Variants in ART1 observed in about 807,000 individuals in gnomAD.
ART1 encodes the protein GPI-linked NAD(P)(+)--arginine ADP-ribosyltransferase 1.
ART1 carries 29 observed loss-of-function variants against 27.0 expected under a neutral mutation model. The observed-to-expected ratio is 1.08, with a 90% CI of 0.80 to 1.47. The LOEUF (loss-of-function observed/expected upper bound fraction) is 1.47. ART1 is among the 40% of genes most tolerant of loss of function. The pLI is 0.00. For missense variants in ART1, 480 were observed against 423.0 expected (o/e 1.13, Z -1.18); for synonymous variants, 201 against 172.2 (o/e 1.17, Z -1.31).
chr11:3,657,979 T>C (rs113628419), intron 1 of ART1, among the ~76,000 whole-genome samples: 28 of 152,248 alleles, frequency 1.8e-4, no homozygotes, highest in African/African-American at 6.7e-4. Context: ...ATATTTTTTT[T>C]CTGAGGAAAA....
chr11:3,646,602 G>C (rs1216651028), intron 1 of ART1, among the ~76,000 whole-genome samples: 1 of 152,168 alleles, frequency 6.6e-6, no homozygotes, highest in African/African-American at 2.4e-5. Flanking sequence ...AAGGAGGAGT[G>C]CGGCTCCACC....
At position 3,659,797 on chromosome 11, in the gene ART1, G is replaced by A; in HGVS notation, c.278G>A (p.Trp93Ter). Reference sequence around the variant, plus strand: ...CAATGGCAGGAGCGTCAGGCCAGGTGGCCAGAGTGGAGTCTCAGCCCCACC... The same window carrying A: ...CAATGGCAGGAGCGTCAGGCCAGGTAGCCAGAGTGGAGTCTCAGCCCCACC... ...SSQWQERQAR[W>*]PEWSLSPTRP... The change falls in exon 3 of 5, where the codon TGG (tryptophan) becomes TAG (stop). Residue 93 changes from tryptophan (W) to a stop codon, truncating the protein, a stop_gained. Transcript: ENST00000250693. LOFTEE classifies it high-confidence loss of function. The A allele has an allele frequency of 6.2e-7, 1 of 1,612,962 alleles. No individual in the cohort carries two copies. The highest frequency in any genetic ancestry group is 2.2e-5 in the East Asian group (1 of 44,872).
chr11:3,653,534 G>C (rs939913483), intron 1 of ART1, among the ~76,000 whole-genome samples: 3 of 151,520 alleles, frequency 2.0e-5, no homozygotes, highest in Admixed American at 6.6e-5. Context: ...ATCTCCCTTC[G>C]CTGACTCTCT....
At chr11:3,656,355 CTTATTTATTTAT>C (rs759921970) in intron 1 of ART1, among the ~76,000 whole-genome samples, 1,470 of 140,188 alleles carry the variant, frequency 0.01, 14 homozygotes, top group African/African-American at 0.031. Context: ...TGTAGCCTGG[CTTATTTATTTAT>C]TTATTTATTT....
intron 1 of ART1, among the ~76,000 whole-genome samples, chr11:3,654,864 C>T (rs113778720): frequency 6.6e-6 from 1 of 152,244 alleles, no homozygotes; most frequent in Non-Finnish European, 1.5e-5. Context: ...AGTCTGCCTT[C>T]AAGCCTCTCC....
intron 1 of ART1, among the ~76,000 whole-genome samples, chr11:3,653,154 C>A (rs532294053): frequency 1.3e-5 from 2 of 148,486 alleles, no homozygotes; most frequent in African/African-American, 5.2e-5. Flanking sequence ...CACACCACCC[C>A]CAAAAATTTT....
At chr11:3,659,054 G>A (rs967463898) in intron 1 of ART1, 108 bp from the exon 2 acceptor site, 6 of 670,102 alleles carry the variant, frequency 9.0e-6, no homozygotes, top group African/African-American at 3.6e-5. Context: ...TCTCTTCTGA[G>A]CCTCCATGTC....
chr11:3,649,906 T>G (rs74920661), intron 1 of ART1, among the ~76,000 whole-genome samples: 8 of 152,000 alleles, frequency 5.3e-5, no homozygotes, highest in East Asian at 1.9e-4. Context: ...GACCCTAAAA[T>G]GTCAAAAGGC....
intron 1 of ART1, among the ~76,000 whole-genome samples, chr11:3,650,624 C>G (rs963242723): frequency 1.3e-5 from 2 of 152,168 alleles, no homozygotes; most frequent in Non-Finnish European, 2.9e-5. Flanking sequence ...AACTCCCCAA[C>G]TCTAGTGCCA....
chr11:3,647,306 G>C lies in ART1; in HGVS notation c.-53+2127G>C, dbSNP rs546511201. ...CATTGCACTCCAGCCTGGGCAACGA[G>C]CAAAACTCCGTCTCAAAAAAAACAA... is the stretch of plus-strand genomic sequence containing the variant. On this transcript the variant is annotated intron_variant, in intron 1 of 4. Coordinates refer to ENST00000250693, the MANE Select transcript of ART1 (RefSeq NM_004314.3). 6.1e-5 allele frequency among the ~76,000 whole-genome samples: 8 copies of C among 132,158 alleles called. 1 individual carries two copies. In the South Asian group the frequency reaches 1.9e-3, roughly 32 times the overall value. 86.7% of individuals were successfully genotyped at this position (132,158 alleles called of 152,430 possible). A position where few individuals can be genotyped will look rare whatever the true frequency, so the allele number is the denominator to read the frequency against.
chr11:3,659,635 TG>T lies in ART1; in HGVS notation c.118del (p.Asp40ThrfsTer18), dbSNP rs1288606849. 1 of 1,613,342 alleles carries T rather than the reference TG, an allele frequency of 6.2e-7. No individual in the cohort carries two copies. Among genetic ancestry groups the T allele is most frequent in the Non-Finnish European group, 8.5e-7 (1 of 1,179,886 alleles). ...GACCTCTTCTCTCAAGAGATTCAGC[TG>T]GACATGGCCCTGGCCTCCTTTGATG... ...RRDLFSQEIQ[L>X]DMALASFDDQ... On this transcript the variant is annotated frameshift_variant, in exon 3 of 5. Coordinates refer to ENST00000250693, the MANE Select transcript of ART1 (RefSeq NM_004314.3). LOFTEE classifies it high-confidence loss of function.
Position 3,664,111 on chromosome 11 carries a change from C to T in ART1, c.906C>T (p.Leu302=). 1 of 1,614,056 alleles carries T rather than the reference C, an allele frequency of 6.2e-7. No individual in the cohort carries two copies. The highest frequency in any genetic ancestry group is 8.5e-7 in the Non-Finnish European group (1 of 1,180,024). The change falls in exon 5 of 5, where the codon CTC becomes CTT. Residue 302 remains leucine, a synonymous_variant. Coordinates refer to ENST00000250693, the MANE Select transcript of ART1 (RefSeq NM_004314.3). The part of the protein sequence containing the change: ...LDNSAMGQSP[L]SAVWSLLLLL... The stretch of plus-strand genomic sequence containing the variant: ...CTGCAGCCATGGGTCAGAGCCCCCT[C>T]TCTGCAGTCTGGTCTTTGCTGCTGC...
Position 3,659,884 on chromosome 11 carries a change from C to A in ART1, c.365C>A (p.Thr122Lys). ...CATGGGGTGGCCCTCCTGGCCTACA[C>A]AGCCAACAGCCCCCTGCACAAGGAG... ...DEHGVALLAYTANSPLHKEFN... is the reference protein window; with the variant it reads ...DEHGVALLAYKANSPLHKEFN... Residue 122 changes from threonine to lysine, a missense_variant, in exon 3 of 5, where the codon ACA (threonine) becomes AAA (lysine). Transcript: ENST00000250693. 3 of 1,612,822 alleles carry A rather than the reference C, an allele frequency of 1.9e-6. No individual in the cohort carries two copies. The highest frequency in any genetic ancestry group is 2.5e-6 in the Non-Finnish European group (3 of 1,179,568).
chr11:3,656,977 C>T (rs181245733), intron 1 of ART1, among the ~76,000 whole-genome samples: 2 of 152,296 alleles, frequency 1.3e-5, no homozygotes, highest in East Asian at 3.9e-4. Flanking sequence ...TCATACTTCA[C>T]ATTTAAATTG....
At position 3,659,884 on chromosome 11, in the gene ART1, C is replaced by T. The variant is rs767154046; in HGVS notation, c.365C>T (p.Thr122Ile). The T allele has an allele frequency of 1.9e-6, 3 of 1,612,702 alleles. No homozygotes were observed. Among genetic ancestry groups the T allele is most frequent in the Admixed American group, 1.7e-5 (1 of 59,966 alleles). The change falls in exon 3 of 5, where the codon ACA (threonine) becomes ATA (isoleucine). Residue 122 changes from threonine to isoleucine, a missense_variant. Physicochemically the swap from Thr to Ile is moderately conservative, Grantham distance 89 (BLOSUM62 -1). Coordinates refer to ENST00000250693, the MANE Select transcript of ART1 (RefSeq NM_004314.3). ...CATGGGGTGGCCCTCCTGGCCTACA[C>T]AGCCAACAGCCCCCTGCACAAGGAG... ...DEHGVALLAY[T>I]ANSPLHKEFN...
chr11:3,650,981 T>C (rs2077517523), intron 1 of ART1, among the ~76,000 whole-genome samples: 1 of 152,036 alleles, frequency 6.6e-6, no homozygotes, highest in Non-Finnish European at 1.5e-5. Flanking sequence ...TACTTGCCTG[T>C]TACAGCATGG....
intron 3 of ART1, among the ~76,000 whole-genome samples, 154 bp downstream of exon 3, chr11:3,660,517 G>A (rs940011198): frequency 2.0e-5 from 3 of 152,210 alleles, no homozygotes; most frequent in Non-Finnish European, 4.4e-5. Context: ...CATCTAAGGG[G>A]AGACATAACC....
At chr11:3,653,488 T>G (rs1289146130) in intron 1 of ART1, among the ~76,000 whole-genome samples, 1 of 150,584 alleles carries the variant, frequency 6.6e-6, no homozygotes, top group Non-Finnish European at 1.5e-5. Flanking sequence ...TAATTTTCCT[T>G]TATCTACCCA....
At position 3,659,857 on chromosome 11, in the gene ART1, A is replaced by G; in HGVS notation, c.338A>G (p.Glu113Gly). 1 of 1,612,686 alleles carries G rather than the reference A, an allele frequency of 6.2e-7. No individual in the cohort carries two copies. The highest frequency in any genetic ancestry group is 8.5e-7 in the Non-Finnish European group (1 of 1,179,640). ...CCGCCACCCCTGGGCTTCCGCGATG[A>G]GCATGGGGTGGCCCTCCTGGCCTAC... ...PSPPPLGFRDEHGVALLAYTA... is the reference protein window; with the variant it reads ...PSPPPLGFRDGHGVALLAYTA... The change falls in exon 3 of 5, where the codon GAG becomes GGG. Residue 113 changes from glutamate to glycine, a missense_variant. Glu to Gly is a moderately conservative substitution (Grantham distance 98). Transcript: ENST00000250693.
Sources: gnomAD v4.1 joint callset for allele counts (sites outside exome capture counted in the v4.1 genomes callset) on GRCh38, gnomAD v4.1.1 for gene constraint, MANE v1.5 for transcripts, NCBI Gene and HGNC (gene_info 2026-07-23, HGNC 2026-07-21) for gene names.